Variants in PRKN observed in about 807,000 individuals in gnomAD.
PRKN encodes the protein parkin RBR E3 ubiquitin protein ligase, also known as E3 ubiquitin-protein ligase parkin.
Under a neutral mutation model 59.5 loss-of-function variants are expected in PRKN, and 56 were observed. The ratio of observed to expected loss-of-function variants is 0.94; its 90% CI spans 0.76 to 1.18. The LOEUF is 1.18. PRKN is among the 50% of genes most tolerant of loss of function. PRKN has a pLI of 0.00. For missense variants in PRKN, 657 were observed against 596.4 expected, an observed-to-expected ratio of 1.10 and a Z score of -1.06; for synonymous variants, 250 against 222.1, an observed-to-expected ratio of 1.13 and a Z score of -1.12.
chr6:161,918,302 C>T (rs1354626638), intron 6 of PRKN, among the ~76,000 whole-genome samples: 2 of 152,054 alleles, frequency 1.3e-5, no homozygotes, highest in Non-Finnish European at 2.9e-5. Context: ...GAAGAGTGTG[C>T]GTGAAAGCTG....
At chr6:161,843,640 A>G (rs181603466) in intron 6 of PRKN, among the ~76,000 whole-genome samples, 1 of 152,278 alleles carries the variant, frequency 6.6e-6, no homozygotes, top group East Asian at 1.9e-4. Flanking sequence ...ACAAAAAGGA[A>G]TTAGATAGGC....
chr6:162,714,845 T>G (rs924239170), intron 1 of PRKN, among the ~76,000 whole-genome samples: 2 of 152,188 alleles, frequency 1.3e-5, no homozygotes, highest in African/African-American at 2.4e-5. Flanking sequence ...ACCTGCTGCA[T>G]AGAGTAACCA....
chr6:162,509,771 T>C (rs1777513448), intron 1 of PRKN, among the ~76,000 whole-genome samples: 1 of 152,200 alleles, frequency 6.6e-6, no homozygotes, highest in African/African-American at 2.4e-5. Flanking sequence ...TTCTGTTTAT[T>C]TATTTTTAAT....
At chr6:161,867,878 A>G (rs963908266) in intron 6 of PRKN, among the ~76,000 whole-genome samples, 1 of 151,884 alleles carries the variant, frequency 6.6e-6, no homozygotes. Context: ...CTCCTGCCTC[A>G]GCCTCCCGAG....
chr6:162,647,977 A>AAAAAAG (rs1778260387), intron 1 of PRKN, among the ~76,000 whole-genome samples: 2 of 139,272 alleles, frequency 1.4e-5, no homozygotes, highest in Non-Finnish European at 3.1e-5. Flanking sequence ...AAAAAAAAAA[A>AAAAAAG]GTCTACGGGG....
chr6:162,559,314 A>T (rs978362446), intron 1 of PRKN, among the ~76,000 whole-genome samples: 1 of 152,168 alleles, frequency 6.6e-6, no homozygotes, highest in African/African-American at 2.4e-5. Context: ...ATTTGCAGGT[A>T]AAATTTTTGT....
intron 7 of PRKN, among the ~76,000 whole-genome samples, chr6:161,762,855 T>C (rs1339776660): frequency 6.6e-6 from 1 of 152,212 alleles, no homozygotes; most frequent in East Asian, 1.9e-4. Context: ...AGTTTTCAAT[T>C]ATCTTTCCTT....
At chr6:162,530,166 G>GAGGCAT (rs1234699341) in intron 1 of PRKN, among the ~76,000 whole-genome samples, 1 of 151,466 alleles carries the variant, frequency 6.6e-6, no homozygotes, top group African/African-American at 2.4e-5. Flanking sequence ...TAAAAAAGTA[G>GAGGCAT]AGGCATTCCC....
intron 2 of PRKN, among the ~76,000 whole-genome samples, chr6:162,422,900 C>G (rs1180712416): frequency 6.9e-6 from 1 of 144,122 alleles, no homozygotes; most frequent in African/African-American, 2.6e-5. Flanking sequence ...GAGCCGAGAT[C>G]GCGCCACTGC....
intron 1 of PRKN, among the ~76,000 whole-genome samples, chr6:162,679,117 A>ATTTATTT: frequency 2.6e-5 from 2 of 78,078 alleles, no homozygotes; most frequent in African/African-American, 9.3e-5. Context: ...TTTATGAATG[A>ATTTATTT]ATGAGACAGT....
chr6:162,534,998 C>T lies in PRKN; in HGVS notation c.8-91525G>A, dbSNP rs138304739. Among the ~76,000 whole-genome samples, 715 of 148,666 alleles carry T rather than the reference C, an allele frequency of 4.8e-3. 3 individuals carry two copies. The highest frequency in any genetic ancestry group is 0.014 in the Middle Eastern group (4 of 294). On this transcript the variant is annotated intron_variant, in intron 1 of 11. Coordinates refer to ENST00000366898, the MANE Select transcript of PRKN (RefSeq NM_004562.3). ...TCCCCAGTTCTCTTCCTTCCCCAGT[C>T]CTCTTCCATCCCCAGTCCTCTTCCA...
rs190567462 is a variant in PRKN at position 161,765,876 on chromosome 6, T to C, written c.871+19896A>G. ...AAACAGTCTCTAACTGAAACGAGCA[T>C]GTTCAAATTAAAATAGGGAGTAACA... On this transcript the variant is annotated intron_variant, in intron 7 of 11. Coordinates refer to ENST00000366898, the MANE Select transcript of PRKN (RefSeq NM_004562.3). 2.7e-3 allele frequency among the ~76,000 whole-genome samples: 405 copies of C among 152,326 alleles called. 2 individuals are homozygous for C. Among genetic ancestry groups the C allele is most frequent in the African/African-American group, 9.4e-3 (392 of 41,570 alleles).
At position 161,373,424 on chromosome 6, in the gene PRKN, G is replaced by A. The variant is rs1582987219; in HGVS notation, c.1168-13219C>T. Among the ~76,000 whole-genome samples, 1 of 152,048 alleles carries A rather than the reference G, an allele frequency of 6.6e-6. No individual in the cohort carries two copies. The highest frequency in any genetic ancestry group is 1.5e-5 in the Non-Finnish European group (1 of 68,016). ...GCTTGTCTTGGATTCCTCAGACACG[G>A]GTGGGAACACCTAGTCCTTGCTGAA... On this transcript the variant is annotated intron_variant, in intron 10 of 11. Coordinates refer to ENST00000366898, the MANE Select transcript of PRKN (RefSeq NM_004562.3). This position sits in a 1 kb window ranked among gnomAD's most constrained non-coding sequence, Gnocchi z 4.8.
chr6:162,387,585 G>C (rs958599002), intron 2 of PRKN, among the ~76,000 whole-genome samples: 123 of 150,984 alleles, frequency 8.1e-4, no homozygotes, highest in African/African-American at 2.8e-3. Flanking sequence ...GAGAGAGAGA[G>C]AGAGAGAGAG....
intron 1 of PRKN, among the ~76,000 whole-genome samples, chr6:162,545,692 A>T (rs966224544): frequency 1.3e-5 from 2 of 152,220 alleles, no homozygotes; most frequent in African/African-American, 4.8e-5. Context: ...ATGTCAGATG[A>T]CACTAAAATA....
chr6:162,208,387 C>T (rs76667746), intron 3 of PRKN, among the ~76,000 whole-genome samples: 23,009 of 152,222 alleles, frequency 0.15, 1,955 homozygotes, highest in Admixed American at 0.24. Context: ...GGAGACTCTA[C>T]ACTTAAAAGT....
At chr6:161,980,534 C>T (rs1781221919) in intron 5 of PRKN, among the ~76,000 whole-genome samples, 2 of 152,120 alleles carry the variant, frequency 1.3e-5, no homozygotes, top group South Asian at 4.1e-4. Flanking sequence ...GAAAGGAAGC[C>T]ACTTGAGATT....
At chr6:161,435,916 G>A (rs1248662340) in intron 9 of PRKN, among the ~76,000 whole-genome samples, 3 of 55,080 alleles carry the variant, frequency 5.4e-5, no homozygotes, top group African/African-American at 2.6e-4. Flanking sequence ...ACTTGGGGAG[G>A]AGGGAGTGGG....
intron 9 of PRKN, among the ~76,000 whole-genome samples, chr6:161,425,899 G>A (rs1310832885): frequency 1.3e-5 from 2 of 151,962 alleles, no homozygotes; most frequent in Non-Finnish European, 2.9e-5. Context: ...CTCATGTTGG[G>A]CCCACAGGAT....
Sources: allele counts gnomAD v4.1 joint callset (sites outside exome capture counted in the v4.1 genomes callset), GRCh38; gene constraint gnomAD v4.1.1; non-coding constraint Gnocchi (gnomAD v3.1); transcripts MANE v1.5; gene names NCBI Gene and HGNC (gene_info 2026-07-23, HGNC 2026-07-21).